The following MRPL30 variants were observed in gnomAD, a reference collection of about 807,000 sequenced individuals.
The protein encoded by MRPL30 is mitochondrial ribosomal protein L30, also known as large ribosomal subunit protein uL30m.
MRPL30 carries 10 observed loss-of-function variants against 17.2 expected under a neutral mutation model. The observed-to-expected ratio is 0.58, with a 90% CI of 0.36 to 0.99. The LOEUF is 0.99. Among genes scored for constraint, MRPL30 ranks in the 50% least tolerant of loss-of-function variants. The pLI, the probability that MRPL30 is intolerant of heterozygous loss-of-function variation, is 0.01. For synonymous variants in MRPL30, 61 were observed against 62.1 expected (o/e 0.98, Z 0.08); for missense variants, 170 against 189.8 (o/e 0.90, Z 0.61).
intron 3 of MRPL30, among the ~76,000 whole-genome samples, chr2:99,192,803 A>G (rs1408488066): frequency 6.6e-6 from 1 of 152,230 alleles, no homozygotes; most frequent in African/African-American, 2.4e-5. Context: ...TCCTTGAGGA[A>G]TCACCACACT....
chr2:99,182,465 G>A (rs1175087152), intron 1 of MRPL30, among the ~76,000 whole-genome samples: 3 of 152,256 alleles, frequency 2.0e-5, no homozygotes, highest in Admixed American at 6.5e-5. Context: ...CGAGGCAGGA[G>A]AATGGCGTGA....
chr2:99,191,326 T>C (rs2105246709), intron 3 of MRPL30, among the ~76,000 whole-genome samples: 1 of 152,300 alleles, frequency 6.6e-6, no homozygotes, highest in Non-Finnish European at 1.5e-5. Flanking sequence ...TCTGAACTTA[T>C]TCCTGTATTC....
At chr2:99,189,760 GT>G (rs2105245397) in intron 3 of MRPL30, among the ~76,000 whole-genome samples, 1 of 152,158 alleles carries the variant, frequency 6.6e-6, no homozygotes, top group Non-Finnish European at 1.5e-5. Flanking sequence ...ATTTTTTATT[GT>G]GGTAAAATAC....
At position 99,197,878 on chromosome 2, in the gene MRPL30, A is replaced by T. The variant is rs2093957482; in HGVS notation, c.*2173A>T. Among the ~76,000 whole-genome samples the T allele has an allele frequency of 6.6e-6, 1 of 152,096 alleles. No homozygotes were observed. Among genetic ancestry groups the T allele is most frequent in the Admixed American group, 6.6e-5 (1 of 15,258 alleles). ...ACACTGATCTGGAGCTTCTAATCTC[A>T]AATGATTCTCCTGCCTCAGCCTCCC... On this transcript the variant is annotated 3_prime_UTR_variant, in exon 6 of 6. Coordinates refer to ENST00000338148, the MANE Select transcript of MRPL30 (RefSeq NM_145212.4).
chr2:99,193,698 C>T (rs2093950657), intron 3 of MRPL30, among the ~76,000 whole-genome samples: 1 of 152,064 alleles, frequency 6.6e-6, no homozygotes. Context: ...GATAGTAAAC[C>T]TCATTCATTT....
At chr2:99,181,617 T>A (rs75713675) in intron 1 of MRPL30, among the ~76,000 whole-genome samples, 19 of 146,124 alleles carry the variant, frequency 1.3e-4, no homozygotes, top group Non-Finnish European at 1.5e-5. Context: ...TTTTTTTTTT[T>A]AATGAAGACA....
At chr2:99,194,299 A>G (rs1214084812) in intron 3 of MRPL30, among the ~76,000 whole-genome samples, 1 of 152,072 alleles carries the variant, frequency 6.6e-6, no homozygotes, top group Non-Finnish European at 1.5e-5. Flanking sequence ...AGCTCTGTGG[A>G]GCTGTTTCTG....
chr2:99,182,550 G>A (rs559448950), intron 1 of MRPL30, among the ~76,000 whole-genome samples: 105 of 152,300 alleles, frequency 6.9e-4, no homozygotes, highest in African/African-American at 2.4e-3. Flanking sequence ...GCGAGACTCC[G>A]TCTCAAAAAA....
intron 3 of MRPL30, among the ~76,000 whole-genome samples, chr2:99,192,941 CA>C (rs1364757063): frequency 6.6e-6 from 1 of 152,118 alleles, no homozygotes; most frequent in African/African-American, 2.4e-5. Flanking sequence ...ACTAAAACAC[CA>C]AAAGCAATTG....
chr2:99,182,019 G>T (rs555654389), intron 1 of MRPL30, among the ~76,000 whole-genome samples: 3 of 151,812 alleles, frequency 2.0e-5, no homozygotes, highest in South Asian at 2.1e-4. Context: ...ATCGGTCGCT[G>T]GGGGGGAGAA....
Position 99,196,720 on chromosome 2 carries a change from T to A in MRPL30, c.*1015T>A, listed in dbSNP as rs1374419082. The A allele has an allele frequency of 1.3e-5, 2 of 152,366 alleles. No homozygotes were observed. The highest frequency in any genetic ancestry group is 3.9e-4 in the East Asian group (2 of 5,194). The allele number at this position is 152,366 out of a possible 1,614,324, so 9.4% of individuals were successfully genotyped here. On this transcript the variant is annotated 3_prime_UTR_variant, in exon 6 of 6. Coordinates refer to ENST00000338148, the MANE Select transcript of MRPL30 (RefSeq NM_145212.4). Reference sequence around the variant, plus strand: ...TGACCAAAACATGGTCCCCACCTTTTGGAGCTTACAGTCTGTTCTGGGGAA... The same window carrying A: ...TGACCAAAACATGGTCCCCACCTTTAGGAGCTTACAGTCTGTTCTGGGGAA...
At chr2:99,192,457 C>A (rs1251914764) in intron 3 of MRPL30, among the ~76,000 whole-genome samples, 1 of 152,214 alleles carries the variant, frequency 6.6e-6, no homozygotes, top group African/African-American at 2.4e-5. Context: ...CATTGCTCAA[C>A]TCCCACTTAT....
In MRPL30 at chr2:99,197,675, CTG is replaced by C. The variant is rs926720147; in HGVS notation, c.*1972_*1973del. 6.6e-6 allele frequency: 1 copy of C among 152,278 alleles called. No homozygotes were observed. The highest frequency in any genetic ancestry group is 6.5e-5 in the Admixed American group (1 of 15,274). 9.4% of individuals were successfully genotyped at this position (152,278 alleles called of 1,614,324 possible). On this transcript the variant is annotated 3_prime_UTR_variant, in exon 6 of 6. Transcript: ENST00000338148. ...TTTTCTTTAGAGACAGGGTCTCACT[CTG>C]TCGCCCAGCCTGGAGGGCAGTGGTG... is the stretch of plus-strand genomic sequence containing the variant.
chr2:99,188,744 A>G (rs892432420), intron 3 of MRPL30, among the ~76,000 whole-genome samples: 1 of 152,150 alleles, frequency 6.6e-6, no homozygotes, highest in Non-Finnish European at 1.5e-5. Context: ...TTTGTTGCCC[A>G]GGCTGGAGTG....
At position 99,198,064 on chromosome 2, in the gene MRPL30, G is replaced by A. The variant is rs564466779; in HGVS notation, c.*2359G>A. Reference sequence around the variant, plus strand: ...TCAACAGCCCATAGCTAGAAGAGGGGATCTAAATGTTAAGTTGAATATTTA... The same window carrying A: ...TCAACAGCCCATAGCTAGAAGAGGGAATCTAAATGTTAAGTTGAATATTTA... On this transcript the variant is annotated 3_prime_UTR_variant, in exon 6 of 6. Transcript: ENST00000338148. Among the ~76,000 whole-genome samples the A allele has an allele frequency of 1.4e-3, 209 of 152,324 alleles. No homozygotes were observed. The highest frequency in any genetic ancestry group is 2.7e-3 in the Non-Finnish European group (185 of 68,030).
intron 3 of MRPL30, among the ~76,000 whole-genome samples, chr2:99,192,382 A>G (rs1351745346): frequency 6.6e-6 from 1 of 152,172 alleles, no homozygotes; most frequent in Non-Finnish European, 1.5e-5. Flanking sequence ...CTAGGTTTTA[A>G]GCCCTACATG....
chr2:99,187,653 A>G (rs2093936214), intron 2 of MRPL30, among the ~76,000 whole-genome samples: 1 of 151,968 alleles, frequency 6.6e-6, no homozygotes. Context: ...GTGAAACCCT[A>G]TCTCTACTAA....
intron 4 of MRPL30, 73 bp downstream of exon 4, chr2:99,194,970 T>C (rs745504478): frequency 1.6e-5 from 22 of 1,395,694 alleles, no homozygotes; most frequent in Admixed American, 2.6e-5. Flanking sequence ...AACTTTGCGG[T>C]ATACATTTAT....
intron 3 of MRPL30, among the ~76,000 whole-genome samples, chr2:99,194,037 CAAAAA>C (rs33944983): frequency 7.7e-6 from 1 of 130,312 alleles, no homozygotes; most frequent in Non-Finnish European, 1.6e-5. Context: ...GACTCCATCT[CAAAAA>C]AAAAAAAAAA....
Sources: gnomAD v4.1 joint callset for allele counts (sites outside exome capture counted in the v4.1 genomes callset) on GRCh38, gnomAD v4.1.1 for gene constraint, MANE v1.5 for transcripts, NCBI Gene and HGNC (gene_info 2026-07-23, HGNC 2026-07-21) for gene names.